Variants in ADGRL2 observed in about 807,000 individuals in gnomAD.
ADGRL2 encodes the protein adhesion G protein-coupled receptor L2, also known as calcium-independent alpha-latrotoxin receptor 2.
Under a neutral mutation model 157.4 loss-of-function variants are expected in ADGRL2, and 44 were observed. That is an observed-to-expected ratio of 0.28 (90% CI 0.22 to 0.36). The LOEUF is 0.36. ADGRL2 is among the 10% of genes least tolerant of loss of function. ADGRL2 has a pLI of 1.00. For missense variants in ADGRL2, 1,510 were observed against 1,768.9 expected (o/e 0.85, Z 2.63); for synonymous variants, 585 against 624.7 (o/e 0.94, Z 0.95).
intron 1 of ADGRL2, among the ~76,000 whole-genome samples, chr1:81,709,484 TA>T (rs1180785732): frequency 6.6e-6 from 1 of 152,184 alleles, no homozygotes; most frequent in African/African-American, 2.4e-5. Context: ...TTTTCTCTTT[TA>T]AAAGAGATGA....
chr1:81,776,191 ATTT>A (rs34378166), intron 2 of ADGRL2, among the ~76,000 whole-genome samples: 1 of 144,904 alleles, frequency 6.9e-6, no homozygotes. Flanking sequence ...ACCTTAAAGC[ATTT>A]TTTTTTTTTT....
intron 2 of ADGRL2, among the ~76,000 whole-genome samples, chr1:81,509,401 T>C (rs2079036062): frequency 6.6e-6 from 1 of 152,038 alleles, no homozygotes; most frequent in Non-Finnish European, 1.5e-5. Context: ...TCCTGGCACA[T>C]TCCTTTTACC....
chr1:81,876,706 G>T (rs2093850772), intron 2 of ADGRL2, among the ~76,000 whole-genome samples: 1 of 152,120 alleles, frequency 6.6e-6, no homozygotes, highest in Admixed American at 6.6e-5. Context: ...AGTAGTTCAA[G>T]ACTTGATGTT....
rs191202028 is a variant in ADGRL2, at chr1:81,841,685, G to A, written c.73+4628G>A. Among the ~76,000 whole-genome samples the A allele has an allele frequency of 9.2e-5, 14 of 151,942 alleles. No individual in the cohort carries two copies. In the South Asian group the frequency reaches 1.0e-3, roughly 11 times the overall value. ...TGTATATATGTGCACGCGCATACAC[G>A]TGCACACACACACAACATGCAGTAT... On this transcript the variant is annotated intron_variant, in intron 2 of 23. Transcript: ENST00000686636.
In ADGRL2 at chr1:81,774,548, A is replaced by G. The variant is rs573683693; in HGVS notation, c.-101+12696A>G. ...CAGAATCTGTAGGCATGTGGGCTAA[A>G]ATATTGGTATTTTTAATATGTTCAC... On this transcript the variant is annotated intron_variant, in intron 2 of 20. Transcript: ENST00000359929. Among the ~76,000 whole-genome samples the G allele has an allele frequency of 1.1e-4, 17 of 152,254 alleles. 1 individual carries two copies. In the South Asian group the frequency reaches 3.5e-3, roughly 32 times the overall value.
intron 1 of ADGRL2, among the ~76,000 whole-genome samples, chr1:81,410,567 C>T (rs143692836): frequency 7.9e-5 from 12 of 152,304 alleles, no homozygotes; most frequent in Admixed American, 1.3e-4. Flanking sequence ...AGAAGCTATG[C>T]CAGCCTGGAG....
intron 3 of ADGRL2, among the ~76,000 whole-genome samples, chr1:81,660,462 G>T (rs1217639596): frequency 6.6e-6 from 1 of 152,168 alleles, no homozygotes; most frequent in South Asian, 2.1e-4. Context: ...CCTTATTAGT[G>T]CTGTCCTGTC....
At chr1:81,708,639 C>CATATATATATAT (rs144706739) in intron 1 of ADGRL2, among the ~76,000 whole-genome samples, 6 of 148,298 alleles carry the variant, frequency 4.0e-5, no homozygotes, top group African/African-American at 1.5e-4. Context: ...TTAAAATTTA[C>CATATATATATAT]ATATATATAT....
chr1:81,316,935 G>A (rs186333583), intron 1 of ADGRL2, among the ~76,000 whole-genome samples: 131 of 152,286 alleles, frequency 8.6e-4, no homozygotes, highest in African/African-American at 3.1e-3. Flanking sequence ...TGTTGGGAAA[G>A]CGCAAATGGA....
intron 3 of ADGRL2, among the ~76,000 whole-genome samples, chr1:81,616,869 G>C (rs1345524704): frequency 6.6e-6 from 1 of 151,848 alleles, no homozygotes; most frequent in East Asian, 1.9e-4. Flanking sequence ...TAGAGGCAAG[G>C]GTTTCGTCAT....
chr1:81,539,455 G>A (rs1177876560), intron 2 of ADGRL2, among the ~76,000 whole-genome samples: 2 of 152,128 alleles, frequency 1.3e-5, no homozygotes, highest in East Asian at 1.9e-4. Context: ...ACGTTCACAC[G>A]TGGGTCTCAG....
chr1:81,701,924 G>A (rs17106953), intron 1 of ADGRL2, among the ~76,000 whole-genome samples: 1 of 152,166 alleles, frequency 6.6e-6, no homozygotes, highest in African/African-American at 2.4e-5. Context: ...TACCTTGGGG[G>A]AAAGCCCACA....
chr1:81,638,438 T>G (rs2148790737), intron 3 of ADGRL2, among the ~76,000 whole-genome samples: 1 of 152,314 alleles, frequency 6.6e-6, no homozygotes, highest in South Asian at 2.1e-4. Flanking sequence ...AAAACAATAA[T>G]AGCAACAACA....
At chr1:81,972,963 T>TTATTAACTC (rs1243232532) in intron 17 of ADGRL2, among the ~76,000 whole-genome samples, 1 of 151,494 alleles carries the variant, frequency 6.6e-6, no homozygotes. Context: ...AGAAATGGTG[T>TTATTAACTC]TATTAACTCT....
chr1:81,546,162 T>C (rs2148355907), intron 2 of ADGRL2, among the ~76,000 whole-genome samples: 1 of 152,318 alleles, frequency 6.6e-6, no homozygotes, highest in East Asian at 1.9e-4. Flanking sequence ...ACTCTAAAGC[T>C]TAAGATGCAA....
chr1:81,597,445 C>T (rs923122330), intron 3 of ADGRL2, among the ~76,000 whole-genome samples: 1 of 152,012 alleles, frequency 6.6e-6, no homozygotes, highest in African/African-American at 2.4e-5. Flanking sequence ...TTAAAAAACA[C>T]AATAGCAACA....
intron 2 of ADGRL2, among the ~76,000 whole-genome samples, chr1:81,512,363 A>T (rs2079095649): frequency 6.6e-6 from 1 of 152,248 alleles, no homozygotes; most frequent in Admixed American, 6.5e-5. Flanking sequence ...GTGTCGGAGC[A>T]GGGACAATAT....
Position 81,968,173 on chromosome 1 carries a change from A to G in ADGRL2, c.2497A>G (p.Ile833Val), listed in dbSNP as rs768605517. The G allele has an allele frequency of 6.2e-7, 1 of 1,612,178 alleles. No individual in the cohort carries two copies. Among genetic ancestry groups the G allele is most frequent in the East Asian group, 2.2e-5 (1 of 44,858 alleles). ...ATGCAGCCACCTAACCAATTTTGCA[A>G]TTCTCATGGCCCACAGGGAAATTGC... ...CACSHLTNFA[I>V]LMAHREIAYK... Residue 833 changes from isoleucine (I) to valine (V), a missense_variant, in exon 14 of 24, where the codon ATT (isoleucine) becomes GTT (valine). Coordinates refer to ENST00000686636, the MANE Select transcript of ADGRL2 (RefSeq NM_001366006.2).
At chr1:81,637,772 T>A (rs1435396442) in intron 3 of ADGRL2, among the ~76,000 whole-genome samples, 1 of 152,112 alleles carries the variant, frequency 6.6e-6, no homozygotes, top group Non-Finnish European at 1.5e-5. Context: ...AACTGAAAAT[T>A]TTTTCTGTGG....
Sources: gnomAD v4.1 joint callset for allele counts (sites outside exome capture counted in the v4.1 genomes callset) on GRCh38, gnomAD v4.1.1 for gene constraint, MANE v1.5 for transcripts, NCBI Gene and HGNC (gene_info 2026-07-23, HGNC 2026-07-21) for gene names.